The following ATOSA variants were observed in gnomAD, a reference collection of about 807,000 sequenced individuals.
The protein encoded by ATOSA is atos homolog A, also known as atos homolog protein A.
the ATOSA span, among the ~76,000 whole-genome samples, chr15:52,644,549 C>A: frequency 2.0e-5 from 3 of 152,172 alleles, no homozygotes; most frequent in African/African-American, 4.8e-5. Flanking sequence ...CAGGTAGGCA[C>A]TCAAATGGAT....
the ATOSA span, chr15:52,584,867 A>G: frequency 1.2e-6 from 2 of 1,613,524 alleles, no homozygotes; most frequent in South Asian, 1.1e-5. Flanking sequence ...GGAATGTCTG[A>G]TGATTGGCTG....
chr15:52,657,106 T>C, the ATOSA span: 1 of 152,160 alleles, frequency 6.6e-6, no homozygotes, highest in Non-Finnish European at 1.5e-5. Flanking sequence ...AACTGAATCA[T>C]AGAAATTAAG....
At chr15:52,623,846 G>A in the ATOSA span, among the ~76,000 whole-genome samples, 2 of 152,174 alleles carry the variant, frequency 1.3e-5, no homozygotes, top group Non-Finnish European at 2.9e-5. Context: ...GGGCATTCAT[G>A]TAATACAACA....
the ATOSA span, chr15:52,678,396 G>T: frequency 7.6e-6 from 2 of 263,284 alleles, no homozygotes; most frequent in Non-Finnish European, 1.5e-5. Flanking sequence ...GTACAGGCAA[G>T]AAGAAGAAAA....
At chr15:52,691,328 CT>C in the ATOSA span, among the ~76,000 whole-genome samples, 7 of 152,158 alleles carry the variant, frequency 4.6e-5, no homozygotes, top group African/African-American at 1.7e-4. Flanking sequence ...TGGAAATTCT[CT>C]TCTTGTCTTC....
chr15:52,653,997 G>A, the ATOSA span, among the ~76,000 whole-genome samples: 2 of 151,898 alleles, frequency 1.3e-5, no homozygotes, highest in Non-Finnish European at 2.9e-5. Flanking sequence ...AGAAGTTAAA[G>A]GAAATCAAAT....
chr15:52,601,094 T>C, the ATOSA span: 1 of 1,531,012 alleles, frequency 6.5e-7, no homozygotes, highest in Non-Finnish European at 8.8e-7. Flanking sequence ...ACCTTCTAGA[T>C]GAGAAGCTTT....
At chr15:52,697,910 C>T in the ATOSA span, among the ~76,000 whole-genome samples, 1 of 146,618 alleles carries the variant, frequency 6.8e-6, no homozygotes, top group African/African-American at 2.5e-5. Context: ...CCCAGAAAGG[C>T]TCCAATTTAA....
At chr15:52,671,482 A>T in the ATOSA span, among the ~76,000 whole-genome samples, 51 of 152,232 alleles carry the variant, frequency 3.4e-4, no homozygotes, top group Non-Finnish European at 5.9e-4. Context: ...CCTACCATGT[A>T]CAAGACTGCC....
At chr15:52,681,896 T>C in the ATOSA span, among the ~76,000 whole-genome samples, 137 of 152,344 alleles carry the variant, frequency 9.0e-4, no homozygotes, top group African/African-American at 3.1e-3. Context: ...TTGCTCACTT[T>C]ATGAATACAA....
chr15:52,650,162 G>A, the ATOSA span, among the ~76,000 whole-genome samples: 1 of 152,062 alleles, frequency 6.6e-6, no homozygotes, highest in Admixed American at 6.6e-5. Context: ...CTTTCATGTG[G>A]TTAGTCATAT....
chr15:52,611,586 T>A, the ATOSA span: 1 of 1,614,028 alleles, frequency 6.2e-7, no homozygotes, highest in Non-Finnish European at 8.5e-7. Flanking sequence ...GTCGAGGAAC[T>A]GGCTCCAAGA....
At chr15:52,659,793 G>A in the ATOSA span, among the ~76,000 whole-genome samples, 1 of 152,042 alleles carries the variant, frequency 6.6e-6, no homozygotes, top group Non-Finnish European at 1.5e-5. Context: ...GTTTGCTTGA[G>A]GCCAGGAGTT....
At chr15:52,623,969 C>A in the ATOSA span, among the ~76,000 whole-genome samples, 1 of 152,176 alleles carries the variant, frequency 6.6e-6, no homozygotes, top group Non-Finnish European at 1.5e-5. Flanking sequence ...AAGTCTATGG[C>A]ACAAATGGTA....
At chr15:52,654,170 T>C in the ATOSA span, among the ~76,000 whole-genome samples, 1 of 152,116 alleles carries the variant, frequency 6.6e-6, no homozygotes, top group African/African-American at 2.4e-5. Context: ...AATCTATTGA[T>C]GTCATATAAA....
chr15:52,651,802 A>G, the ATOSA span: 1 of 1,454,704 alleles, frequency 6.9e-7, no homozygotes, highest in Non-Finnish European at 9.3e-7. Context: ...ACCACAGCCA[A>G]CTGGTAAACA....
At chr15:52,701,651 T>C in the ATOSA span, among the ~76,000 whole-genome samples, 1 of 152,162 alleles carries the variant, frequency 6.6e-6, no homozygotes, top group African/African-American at 2.4e-5. Context: ...TTCTCCATAA[T>C]GTGGGCATAA....
chr15:52,662,926 A>C, the ATOSA span, among the ~76,000 whole-genome samples: 1 of 152,152 alleles, frequency 6.6e-6, no homozygotes, highest in South Asian at 2.1e-4. Context: ...GAATTAGCTA[A>C]CAGTAGATGC....
chr15:52,684,178 T>C, the ATOSA span, among the ~76,000 whole-genome samples: 1 of 152,214 alleles, frequency 6.6e-6, no homozygotes, highest in Non-Finnish European at 1.5e-5. Context: ...TCTGTGGTTA[T>C]TGAGTGCTTG....
Sources: gnomAD v4.1 joint callset for allele counts (sites outside exome capture counted in the v4.1 genomes callset) on GRCh38, gnomAD v4.1.1 for gene constraint, MANE v1.5 for transcripts, NCBI Gene and HGNC (gene_info 2026-07-23, HGNC 2026-07-21) for gene names.